ADH1A: variants seen among roughly 807,000 people sequenced by gnomAD.
ADH1A encodes alcohol dehydrogenase 1A.
In ADH1A, 29 loss-of-function variants were observed where a neutral mutation model predicts 35.2. The ratio of observed to expected loss-of-function variants is 0.82; its 90% CI spans 0.61 to 1.12. The LOEUF (loss-of-function observed/expected upper bound fraction) is 1.12. Ranked by LOEUF, ADH1A falls within the 50% of genes most tolerant of loss-of-function variation. The probability of loss-of-function intolerance (pLI) is 0.00; values close to 1 mark genes in which losing one functional copy is unlikely to be tolerated. For missense variants in ADH1A, 469 were observed against 464.7 expected, an observed-to-expected ratio of 1.01 and a Z score of -0.09; for synonymous variants, 147 against 164.8, an observed-to-expected ratio of 0.89 and a Z score of 0.83.
chr4:99,284,715 C>G lies in ADH1A; in HGVS notation c.347+1G>C, dbSNP rs190428650. 3.8e-4 allele frequency: 613 copies of G among 1,614,098 alleles called. 1 individual carries two copies. Among genetic ancestry groups the G allele is most frequent in the Admixed American group, 1.2e-3 (75 of 60,026 alleles). ...GCGCAGGGAGAGCATCAGAAACCTA[C>G]TCGTTTTTCAAGCAGTAGTTGCTCT... On this transcript the variant is annotated splice_donor_variant, in intron 4 of 8. Transcript: ENST00000209668. LOFTEE classifies it high-confidence loss of function.
rs138883026 is a variant in ADH1A at position 99,280,228 on chromosome 4, C to A, written c.880G>T (p.Gly294Trp). The change falls in exon 7 of 9, where the codon GGG becomes TGG. Residue 294 changes from glycine (G) to tryptophan (W), a missense_variant. Physicochemically the swap from Gly to Trp is radical, Grantham distance 184. Transcript: ENST00000209668. ...AGGTTTTGGGAATCAGGAGGTACCC[C>A]TACGATGACACTTGTGCCACATGCC... ...HEACGTSVIVGVPPDSQNLSM... is the reference protein window; with the variant it reads ...HEACGTSVIVWVPPDSQNLSM... 673 of 1,613,750 alleles carry A rather than the reference C, an allele frequency of 4.2e-4. 1 individual carries two copies. Among genetic ancestry groups the A allele is most frequent in the Non-Finnish European group, 2.3e-4 (275 of 1,179,818 alleles).
At chr4:99,280,969 A>G (rs540770076) in intron 6 of ADH1A, among the ~76,000 whole-genome samples, 19 of 152,334 alleles carry the variant, frequency 1.2e-4, no homozygotes, top group African/African-American at 4.6e-4. Flanking sequence ...ATATGTAATG[A>G]TTAGTTCTTT....
rs993227941 is a variant in ADH1A, at chr4:99,284,814, A to T, written c.260-11T>A. The T allele has an allele frequency of 6.2e-7, 1 of 1,609,186 alleles. No homozygotes were observed. The highest frequency in any genetic ancestry group is 1.7e-5 in the Admixed American group (1 of 59,952). On this transcript the variant is annotated splice_polypyrimidine_tract_variant and intron_variant, in intron 3 of 8. Coordinates refer to ENST00000209668, the MANE Select transcript of ADH1A (RefSeq NM_000667.4). The stretch of plus-strand genomic sequence containing the variant: ...GGATGACTTTATCACCTGGAGAGGG[A>T]TAAAACAAATTCTTTTACAATTTCT...
Position 99,276,423 on chromosome 4 carries a change from T to C in ADH1A, c.*201A>G. 2.6e-5 allele frequency: 16 copies of C among 609,164 alleles called. No homozygotes were observed. In the South Asian group the frequency reaches 2.9e-4, roughly 11 times the overall value. 37.7% of individuals were successfully genotyped at this position (609,164 alleles called of 1,614,324 possible). The stretch of plus-strand genomic sequence containing the variant: ...ATTCCCCAGCTGATGTTCAACACTT[T>C]ATTTAGTTCTCATTTGGATTTTAAA... On this transcript the variant is annotated 3_prime_UTR_variant, in exon 9 of 9. Transcript: ENST00000209668.
At chr4:99,280,020 CTG>C (rs1337191982) in intron 7 of ADH1A, 122 bp downstream of exon 7, 1 of 1,388,372 alleles carries the variant, frequency 7.2e-7, no homozygotes, top group African/African-American at 1.4e-5. Context: ...GATTTGGAGA[CTG>C]TAGATAGAAA....
intron 8 of ADH1A, among the ~76,000 whole-genome samples, chr4:99,278,142 A>T (rs1414501979): frequency 6.6e-6 from 1 of 152,114 alleles, no homozygotes; most frequent in African/African-American, 2.4e-5. Context: ...GGCATGCTTC[A>T]TGACTTCTTA....
intron 7 of ADH1A, 39 bp downstream of exon 7, chr4:99,280,105 A>AG (rs1448919740): frequency 1.9e-6 from 3 of 1,612,796 alleles, no homozygotes; most frequent in African/African-American, 2.7e-5. Context: ...AGATATGCTG[A>AG]GGTTAATGAG....
intron 1 of ADH1A, among the ~76,000 whole-genome samples, chr4:99,289,622 G>A (rs919584672): frequency 6.6e-6 from 1 of 152,062 alleles, no homozygotes; most frequent in African/African-American, 2.4e-5. Context: ...TGTTAGTATT[G>A]TCACTATTTA....
At chr4:99,286,587 T>C in intron 3 of ADH1A, 1 of 454,052 alleles carries the variant, frequency 2.2e-6, no homozygotes, top group Non-Finnish European at 3.9e-6. Context: ...CTTTTGATCC[T>C]CACATATCTC....
Position 99,287,633 on chromosome 4 carries a change from C to A in ADH1A, c.51G>T (p.Glu17Asp), listed in dbSNP as rs773676318. ...CCTCAATGGAAAAGGGTTTCTTTAA[C>A]TCCCATAGCACAGCTGCTTTGCATT... is the stretch of plus-strand genomic sequence containing the variant. ...VIKCKAAVLW[E>D]LKKPFSIEEV... is the part of the protein sequence containing the mutation. The change falls in exon 2 of 9, where the codon GAG becomes GAT. Residue 17 changes from glutamate (E) to aspartate (D), a missense_variant. By Grantham distance (45) the Glu-to-Asp change is conservative (BLOSUM62 2). Coordinates refer to ENST00000209668, the MANE Select transcript of ADH1A (RefSeq NM_000667.4). 2 of 1,613,950 alleles carry A rather than the reference C, an allele frequency of 1.2e-6. No homozygotes were observed. The highest frequency in any genetic ancestry group is 2.2e-5 in the South Asian group (2 of 91,064).
In ADH1A at chr4:99,282,477, C is replaced by A; in HGVS notation, c.697G>T (p.Ala233Ser). The A allele has an allele frequency of 1.2e-6, 2 of 1,614,140 alleles. No individual in the cohort carries two copies. The highest frequency in any genetic ancestry group is 1.7e-6 in the Non-Finnish European group (2 of 1,180,026). ...CATTCAGTGGCACCCAACTCTTTGG[C>A]CTTTGCAAATTTGTCCTTGTTGATG... is the stretch of plus-strand genomic sequence containing the variant. Reference protein sequence around the residue: ...VDINKDKFAKAKELGATECIN... With the variant: ...VDINKDKFAKSKELGATECIN... Residue 233 changes from alanine to serine, a missense_variant, in exon 6 of 9, where the codon GCC becomes TCC. Ala to Ser is a moderately conservative substitution (Grantham distance 99). Transcript: ENST00000209668.
chr4:99,279,732 T>C (rs905845331), intron 7 of ADH1A, among the ~76,000 whole-genome samples, 168 bp from the exon 8 acceptor site: 1 of 151,508 alleles, frequency 6.6e-6, no homozygotes, highest in Non-Finnish European at 1.5e-5. Context: ...GGCTCAGACT[T>C]AAAAAAAAAT....
Position 99,276,637 on chromosome 4 carries a change from A to G in ADH1A, c.1115T>C (p.Ile372Thr). ...LLHSGKSIRTILMF is the reference protein window; with the variant it reads ...LLHSGKSIRTTLMF ...ATCTGTATTGTCTCAAAACATCAGAATGGTACGGATACTGCAATAGGAAAG... is the reference window on the plus strand; with the variant it reads ...ATCTGTATTGTCTCAAAACATCAGAGTGGTACGGATACTGCAATAGGAAAG... Residue 372 changes from isoleucine (I) to threonine (T), a missense_variant, in exon 9 of 9, where the codon ATT (isoleucine) becomes ACT (threonine). Coordinates refer to ENST00000209668, the MANE Select transcript of ADH1A (RefSeq NM_000667.4). The G allele has an allele frequency of 6.2e-7, 1 of 1,612,598 alleles. No homozygotes were observed. Among genetic ancestry groups the G allele is most frequent in the South Asian group, 1.1e-5 (1 of 91,044 alleles).
At chr4:99,288,940 A>G (rs1442282899) in intron 1 of ADH1A, among the ~76,000 whole-genome samples, 1 of 152,090 alleles carries the variant, frequency 6.6e-6, no homozygotes, top group African/African-American at 2.4e-5. Context: ...ATTGCACCCA[A>G]TATGTAGTCT....
chr4:99,278,372 G>C (rs1399860255), intron 8 of ADH1A: 2 of 152,108 alleles, frequency 1.3e-5, no homozygotes, highest in African/African-American at 4.8e-5. Flanking sequence ...ATCTACCTTT[G>C]AATTCTGGCT....
intron 3 of ADH1A, chr4:99,286,562 G>T: frequency 2.6e-6 from 1 of 384,636 alleles, no homozygotes; most frequent in Non-Finnish European, 4.7e-6. Flanking sequence ...TGCCACACTA[G>T]TAGGCACTGT....
chr4:99,282,549 T>C lies in ADH1A; in HGVS notation c.625A>G (p.Ile209Val), dbSNP rs779069444. Residue 209 changes from isoleucine (I) to valine (V), a missense_variant, in exon 6 of 9, where the codon ATT (isoleucine) becomes GTT (valine). By Grantham distance (29) the Ile-to-Val change is conservative. Coordinates refer to ENST00000209668, the MANE Select transcript of ADH1A (RefSeq NM_000667.4). Reference sequence around the variant, plus strand: ...GCCCCAGCTGCTTTACAGCCCATAATAGCAGATAGGCCGACCCCTCCCAGG... The same window carrying C: ...GCCCCAGCTGCTTTACAGCCCATAACAGCAGATAGGCCGACCCCTCCCAGG... ...FGLGGVGLSA[I>V]MGCKAAGAAR... The C allele has an allele frequency of 4.5e-5, 73 of 1,614,052 alleles. No individual in the cohort carries two copies. The highest frequency in any genetic ancestry group is 7.7e-5 in the South Asian group (7 of 91,088).
intron 1 of ADH1A, among the ~76,000 whole-genome samples, chr4:99,288,374 T>A (rs1408806751): frequency 6.6e-6 from 1 of 151,682 alleles, no homozygotes; most frequent in Admixed American, 6.6e-5. Flanking sequence ...TGTGTGTGTA[T>A]ACACTCAGAC....
intron 6 of ADH1A, among the ~76,000 whole-genome samples, chr4:99,280,599 C>T (rs1336200441): frequency 6.6e-6 from 1 of 152,190 alleles, no homozygotes; most frequent in Non-Finnish European, 1.5e-5. Context: ...ATTTCATCAT[C>T]ACATAATTCT....
Sources: gnomAD v4.1 joint callset for allele counts (sites outside exome capture counted in the v4.1 genomes callset) on GRCh38, gnomAD v4.1.1 for gene constraint, MANE v1.5 for transcripts, NCBI Gene and HGNC (gene_info 2026-07-23, HGNC 2026-07-21) for gene names.